SLC45A4: variants seen among roughly 807,000 people sequenced by gnomAD.
The protein encoded by SLC45A4 is polyamine-transporter SLC45A4.
Under a neutral mutation model 63.7 loss-of-function variants are expected in SLC45A4, and 32 were observed. The ratio of observed to expected loss-of-function variants is 0.50; its 90% CI spans 0.38 to 0.67. The LOEUF is 0.67. Ranked by LOEUF, SLC45A4 falls within the 30% of genes least tolerant of loss-of-function variation. SLC45A4 has a pLI of 0.00. For missense variants in SLC45A4, 1,027 were observed against 1,157.7 expected (o/e 0.89, Z 1.64); for synonymous variants, 535 against 510.0 (o/e 1.05, Z -0.66).
chr8:141,300,743 T>C (rs1830715296), intron 1 of SLC45A4, among the ~76,000 whole-genome samples: 1 of 152,258 alleles, frequency 6.6e-6, no homozygotes, highest in South Asian at 2.1e-4. Flanking sequence ...AATTAAAATT[T>C]AACCCGAGGC....
chr8:141,244,953 T>TGGGGGGGGGGGGGGGGGGGGGGGGG (rs1332452740), intron 2 of SLC45A4, among the ~76,000 whole-genome samples: 4 of 27,762 alleles, frequency 1.4e-4, no homozygotes, highest in Admixed American at 7.9e-4. Flanking sequence ...CAAGAAGACG[T>TGGGGGGGGGGGGGGGGGGGGGGGGG]GGGTGGGGGG....
intron 2 of SLC45A4, among the ~76,000 whole-genome samples, chr8:141,232,096 G>A (rs1285605601): frequency 6.6e-6 from 1 of 152,256 alleles, no homozygotes; most frequent in Non-Finnish European, 1.5e-5. Context: ...CTGGCCTACA[G>A]AAGGGGTCTT....
intron 2 of SLC45A4, chr8:141,224,394 A>G (rs754050733): frequency 6.6e-6 from 1 of 152,214 alleles, no homozygotes; most frequent in Non-Finnish European, 1.5e-5. Flanking sequence ...CGTTTCACCA[A>G]GTTTAGAAAA....
In SLC45A4 at chr8:141,212,551, G is replaced by C. The variant is rs372268272; in HGVS notation, c.1947C>G (p.Ile649Met). 3.7e-5 allele frequency: 60 copies of C among 1,602,516 alleles called. No individual in the cohort carries two copies. The highest frequency in any genetic ancestry group is 4.9e-5 in the Non-Finnish European group (58 of 1,173,734). ...GCTTGGAGTTCCCGGGGCTGTGGTG[G>C]ATGTACTGCAAGAGAGGAAACACGA... is the stretch of plus-strand genomic sequence containing the variant. ...LGQYHDIKQY[I>M]HHSPGNSKRG... Residue 649 changes from isoleucine to methionine, a missense_variant, in exon 8 of 9, where the codon ATC becomes ATG. Ile to Met is a conservative substitution (Grantham distance 10, BLOSUM62 1). Coordinates refer to ENST00000517878, the MANE Select transcript of SLC45A4 (RefSeq NM_001286646.2).
chr8:141,263,777 A>T (rs532249717), intron 1 of SLC45A4, among the ~76,000 whole-genome samples: 12 of 145,546 alleles, frequency 8.2e-5, no homozygotes, highest in South Asian at 4.2e-4. Flanking sequence ...CTCAAAAAAA[A>T]AAAAAATAAA....
chr8:141,262,740 A>G (rs531392269), intron 1 of SLC45A4, among the ~76,000 whole-genome samples: 137 of 152,232 alleles, frequency 9.0e-4, no homozygotes, highest in African/African-American at 3.2e-3. Context: ...ATGTGGAGAA[A>G]TAGGAACACT....
intron 6 of SLC45A4, among the ~76,000 whole-genome samples, 188 bp downstream of exon 6, chr8:141,216,902 G>C (rs1826187177): frequency 6.6e-6 from 1 of 152,230 alleles, no homozygotes; most frequent in African/African-American, 2.4e-5. Flanking sequence ...GCCCACAGCG[G>C]CCTTTTCCCT....
At position 141,212,273 on chromosome 8, in the gene SLC45A4, C is replaced by CCGCCGGCCCTGCCTT; in HGVS notation, c.2224_2225insAAGGCAGGGCCGGCG (p.Glu737_Gly741dup). ...CAGCACGGTGGGCTTTTCGCTGTTC[C>CCGCCGGCCCTGCCTT]CACCGGCCCTGCCTTCGCCGGCCAA... is the stretch of plus-strand genomic sequence containing the variant. On this transcript the variant is annotated inframe_insertion, in exon 8 of 9. Transcript: ENST00000517878. 6.2e-7 allele frequency: 1 copy of CCGCCGGCCCTGCCTT among 1,600,750 alleles called. No homozygotes were observed. The highest frequency in any genetic ancestry group is 2.2e-5 in the East Asian group (1 of 44,630).
In SLC45A4 at chr8:141,234,331, C is replaced by T. The variant is rs912774154; in HGVS notation, c.242-12566G>A. Among the ~76,000 whole-genome samples the T allele has an allele frequency of 3.9e-5, 6 of 152,320 alleles. No individual in the cohort carries two copies. The South Asian group carries it at 1.0e-3, about 26-fold the overall frequency. Reference sequence around the variant, plus strand: ...GAGCCCTGGTTTCTAGAGACAGAGGCCACCTCCTCGTGGGCCTAGCTTGGG... The same window carrying T: ...GAGCCCTGGTTTCTAGAGACAGAGGTCACCTCCTCGTGGGCCTAGCTTGGG... On this transcript the variant is annotated intron_variant, in intron 2 of 8. Transcript: ENST00000517878.
intron 1 of SLC45A4, among the ~76,000 whole-genome samples, chr8:141,257,630 G>GT (rs1445557287): frequency 5.9e-5 from 9 of 152,344 alleles, no homozygotes; most frequent in Admixed American, 5.9e-4. Flanking sequence ...TCTGTAATAA[G>GT]TAATATATGA....
chr8:141,223,098 G>A (rs772259192), intron 2 of SLC45A4, among the ~76,000 whole-genome samples: 2 of 152,238 alleles, frequency 1.3e-5, no homozygotes, highest in Non-Finnish European at 2.9e-5. Context: ...GTGGGAGGAG[G>A]AAATCATTTT....
Position 141,218,405 on chromosome 8 carries a change from A to ATGGAGCTCGACG in SLC45A4, c.1223_1234dup (p.Thr408_Ser411dup), listed in dbSNP as rs774662461. The ATGGAGCTCGACG allele has an allele frequency of 6.2e-7, 1 of 1,610,302 alleles. No homozygotes were observed. Among genetic ancestry groups the ATGGAGCTCGACG allele is most frequent in the South Asian group, 1.1e-5 (1 of 91,080 alleles). ...GCGGAACGCGTGCCGCCGCCGCCGC[A>ATGGAGCTCGACG]TGGAGCTCGACGTGGCCGAGGGCTT... On this transcript the variant is annotated inframe_insertion, in exon 5 of 9. Coordinates refer to ENST00000517878, the MANE Select transcript of SLC45A4 (RefSeq NM_001286646.2).
Position 141,227,746 on chromosome 8 carries a change from G to A in SLC45A4, c.242-5981C>T, listed in dbSNP as rs1827101510. ...TCCAGAACCACTACAGCCACAGGAAGATAGGGAGGGGGTGAAAAGAGGGGC... is the reference window on the plus strand; with the variant it reads ...TCCAGAACCACTACAGCCACAGGAAAATAGGGAGGGGGTGAAAAGAGGGGC... On this transcript the variant is annotated intron_variant, in intron 2 of 8. Coordinates refer to ENST00000517878, the MANE Select transcript of SLC45A4 (RefSeq NM_001286646.2). The surrounding 1 kb of genome is among the most constrained non-coding windows in gnomAD (Gnocchi z 4.4). Among the ~76,000 whole-genome samples, 1 of 152,232 alleles carries A rather than the reference G, an allele frequency of 6.6e-6. No individual in the cohort carries two copies. The highest frequency in any genetic ancestry group is 1.5e-5 in the Non-Finnish European group (1 of 68,046).
At position 141,211,378 on chromosome 8, in the gene SLC45A4, G is replaced by A. The variant is rs1020894765; in HGVS notation, c.*194C>T. ...ACGCAGGAGCTCGTCTGGAGCTCAC[G>A]CTCCGCCCCCAGGTGGTGCCCAGCC... is the stretch of plus-strand genomic sequence containing the variant. On this transcript the variant is annotated 3_prime_UTR_variant, in exon 9 of 9. Coordinates refer to ENST00000517878, the MANE Select transcript of SLC45A4 (RefSeq NM_001286646.2). The A allele has an allele frequency of 5.4e-6, 8 of 1,494,390 alleles. No homozygotes were observed. In the African/African-American group the frequency reaches 5.6e-5, roughly 11 times the overall value. 92.6% of individuals were successfully genotyped at this position (1,494,390 alleles called of 1,614,324 possible).
chr8:141,261,307 T>C (rs887502458), intron 1 of SLC45A4, among the ~76,000 whole-genome samples: 1 of 152,116 alleles, frequency 6.6e-6, no homozygotes, highest in Non-Finnish European at 1.5e-5. Context: ...CTTTGAAAAC[T>C]GGCACAAGAC....
chr8:141,260,699 C>A (rs1293690130), intron 1 of SLC45A4, among the ~76,000 whole-genome samples: 3 of 152,198 alleles, frequency 2.0e-5, no homozygotes, highest in Non-Finnish European at 4.4e-5. Flanking sequence ...TCTGAATAGA[C>A]CAATAACAGG....
intron 1 of SLC45A4, among the ~76,000 whole-genome samples, chr8:141,285,233 T>C (rs1830093472): frequency 6.6e-6 from 1 of 152,096 alleles, no homozygotes; most frequent in Non-Finnish European, 1.5e-5. Flanking sequence ...GAGCGTCCGC[T>C]GGGAACCACA....
chr8:141,228,501 A>G (rs1380867601), intron 2 of SLC45A4: 1 of 1,322,428 alleles, frequency 7.6e-7, no homozygotes, highest in African/African-American at 1.5e-5. Flanking sequence ...ACTGGCAGGC[A>G]CCTGTCTTCA....
intron 1 of SLC45A4, among the ~76,000 whole-genome samples, chr8:141,270,329 C>T (rs187160122): frequency 8.0e-5 from 12 of 150,828 alleles, no homozygotes; most frequent in Non-Finnish European, 1.5e-4. Context: ...GAGTTCAAGA[C>T]CACCCTGGGC....
Sources: gnomAD v4.1 joint callset for allele counts (sites outside exome capture counted in the v4.1 genomes callset) on GRCh38, gnomAD v4.1.1 for gene constraint, Gnocchi (gnomAD v3.1) non-coding constraint, MANE v1.5 for transcripts, NCBI Gene and HGNC (gene_info 2026-07-23, HGNC 2026-07-21) for gene names.